Variants in KLHL29 observed in about 807,000 individuals in gnomAD.
KLHL29 encodes the protein kelch like family member 29, also known as kelch-like protein 29.
A neutral mutation model predicts 80.4 loss-of-function variants in KLHL29; 21 were observed. The ratio of observed to expected loss-of-function variants is 0.26; its 90% CI spans 0.19 to 0.38. The LOEUF (loss-of-function observed/expected upper bound fraction) is 0.38. KLHL29 is among the 10% of genes least tolerant of loss of function. KLHL29 has a pLI of 1.00. For synonymous variants in KLHL29, 511 were observed against 526.8 expected, an observed-to-expected ratio of 0.97 and a Z score of 0.41; for missense variants, 867 against 1,223.9, an observed-to-expected ratio of 0.71 and a Z score of 4.35.
intron 3 of KLHL29, among the ~76,000 whole-genome samples, chr2:23,609,581 C>T (rs769730861): frequency 9.9e-5 from 15 of 150,974 alleles, no homozygotes; most frequent in African/African-American, 1.5e-4. Flanking sequence ...TGTGTGGAGC[C>T]GGGTGCAGAA....
intron 1 of KLHL29, among the ~76,000 whole-genome samples, chr2:23,433,319 G>T (rs966399019): frequency 6.6e-5 from 10 of 152,240 alleles, no homozygotes; most frequent in Non-Finnish European, 7.3e-5. Flanking sequence ...CTACAAAGCT[G>T]CTAGGGCATT....
chr2:23,639,210 T>C lies in KLHL29; in HGVS notation c.357T>C (p.Pro119=), dbSNP rs1669699479. The part of the protein sequence containing the change: ...LATSIRWGQT[P]INQSTPWDTD... ...CCAGCATCCGGTGGGGGCAGACGCC[T>C]ATCAATCAGTCCACACCCTGGGACA... is the stretch of plus-strand genomic sequence containing the variant. Residue 119 remains proline, a synonymous_variant, in exon 4 of 14, where the codon CCT becomes CCC. Transcript: ENST00000486442. 2 of 1,547,738 alleles carry C rather than the reference T, an allele frequency of 1.3e-6. No homozygotes were observed. The highest frequency in any genetic ancestry group is 2.0e-5 in the Admixed American group (1 of 50,228).
At chr2:23,615,935 T>C (rs1668993193) in intron 3 of KLHL29, among the ~76,000 whole-genome samples, 1 of 152,142 alleles carries the variant, frequency 6.6e-6, no homozygotes, top group African/African-American at 2.4e-5. Context: ...CCAGACCCCC[T>C]CTGCTTCTCT....
intron 5 of KLHL29, among the ~76,000 whole-genome samples, chr2:23,646,913 T>C (rs1669949871): frequency 6.6e-6 from 1 of 152,176 alleles, no homozygotes; most frequent in Non-Finnish European, 1.5e-5. Flanking sequence ...TTGAGTGAGA[T>C]TGCGGACATG....
chr2:23,652,408 C>G (rs1670112163), intron 5 of KLHL29, among the ~76,000 whole-genome samples: 1 of 152,216 alleles, frequency 6.6e-6, no homozygotes, highest in Admixed American at 6.5e-5. Flanking sequence ...ACTTCCATGG[C>G]CCTGCCCTCT....
At chr2:23,533,545 GGGAGCCTT>G (rs1666566812) in intron 2 of KLHL29, among the ~76,000 whole-genome samples, 1 of 152,100 alleles carries the variant, frequency 6.6e-6, no homozygotes, top group Non-Finnish European at 1.5e-5. Flanking sequence ...GCAGCCTCTG[GGGAGCCTT>G]GGCGCTGGCT....
chr2:23,587,245 CT>C (rs34675398), intron 3 of KLHL29, among the ~76,000 whole-genome samples: 16 of 146,810 alleles, frequency 1.1e-4, no homozygotes, highest in South Asian at 2.2e-4. Context: ...GGCCAATTTA[CT>C]TTTTTTTTTT....
intron 2 of KLHL29, among the ~76,000 whole-genome samples, chr2:23,495,887 A>G (rs1665247525): frequency 6.6e-6 from 1 of 152,236 alleles, no homozygotes; most frequent in African/African-American, 2.4e-5. Flanking sequence ...TTAGCGTTGC[A>G]GACTAATCCT....
At chr2:23,523,630 C>T (rs1427868063) in intron 2 of KLHL29, among the ~76,000 whole-genome samples, 2 of 152,146 alleles carry the variant, frequency 1.3e-5, no homozygotes, top group African/African-American at 4.8e-5. Context: ...ATGGCTTTTA[C>T]CCCCTCATAC....
chr2:23,622,481 C>A (rs145904261), intron 3 of KLHL29, among the ~76,000 whole-genome samples: 1 of 152,224 alleles, frequency 6.6e-6, no homozygotes, highest in Non-Finnish European at 1.5e-5. Flanking sequence ...TACCTAATCA[C>A]AAAGGATGGA....
intron 2 of KLHL29, among the ~76,000 whole-genome samples, chr2:23,510,885 G>A (rs1558366264): frequency 6.6e-6 from 1 of 152,170 alleles, no homozygotes; most frequent in African/African-American, 2.4e-5. Flanking sequence ...CCTGGGGTGG[G>A]AATACTCTGG....
At chr2:23,603,852 C>T (rs895855810) in intron 3 of KLHL29, among the ~76,000 whole-genome samples, 3 of 152,254 alleles carry the variant, frequency 2.0e-5, no homozygotes, top group African/African-American at 7.2e-5. Flanking sequence ...GAGTTCAGTG[C>T]AGGAACAGCT....
At chr2:23,433,083 G>A (rs1271837407) in intron 1 of KLHL29, among the ~76,000 whole-genome samples, 1 of 152,200 alleles carries the variant, frequency 6.6e-6, no homozygotes, top group Non-Finnish European at 1.5e-5. Context: ...AGGGAGGGGA[G>A]CACCTCCTGC....
chr2:23,560,594 T>C (rs1667423645), intron 2 of KLHL29, among the ~76,000 whole-genome samples: 1 of 152,218 alleles, frequency 6.6e-6, no homozygotes, highest in African/African-American at 2.4e-5. Context: ...AAAAGAATTT[T>C]TGTGTCATGG....
rs1670229869 is a variant in KLHL29 at position 23,655,838 on chromosome 2, T to A, written c.940+12988T>A. Among the ~76,000 whole-genome samples, 4 of 151,518 alleles carry A rather than the reference T, an allele frequency of 2.6e-5. No homozygotes were observed. In the South Asian group the frequency reaches 8.4e-4, roughly 32 times the overall value. Reference sequence around the variant, plus strand: ...CCTGGAACTGACTGAGCAGAGTGAGTGCAGTCAGTGAGCTCAGTCAGTGAC... The same window carrying A: ...CCTGGAACTGACTGAGCAGAGTGAGAGCAGTCAGTGAGCTCAGTCAGTGAC... On this transcript the variant is annotated intron_variant, in intron 5 of 13. Coordinates refer to ENST00000486442, the MANE Select transcript of KLHL29 (RefSeq NM_052920.2).
intron 3 of KLHL29, among the ~76,000 whole-genome samples, chr2:23,588,875 A>G (rs1668182479): frequency 6.6e-6 from 1 of 152,202 alleles, no homozygotes; most frequent in South Asian, 2.1e-4. Context: ...GCCTGCCGAG[A>G]GAGAGGCACC....
intron 1 of KLHL29, among the ~76,000 whole-genome samples, chr2:23,388,276 T>C (rs141464735): frequency 7.9e-5 from 12 of 152,328 alleles, no homozygotes; most frequent in African/African-American, 2.6e-4. Context: ...AGAATGACTT[T>C]TGCTAACTGC....
At chr2:23,543,414 C>T (rs572988366) in intron 2 of KLHL29, among the ~76,000 whole-genome samples, 21 of 152,152 alleles carry the variant, frequency 1.4e-4, no homozygotes, top group East Asian at 7.7e-4. Flanking sequence ...TGTAAAATGT[C>T]ATCATTCTTC....
At chr2:23,458,923 G>T (rs533524612) in intron 1 of KLHL29, among the ~76,000 whole-genome samples, 6 of 152,172 alleles carry the variant, frequency 3.9e-5, no homozygotes, top group African/African-American at 1.4e-4. Flanking sequence ...AAACAGGATC[G>T]GATTTGCACT....
Sources: gnomAD v4.1 joint callset for allele counts (sites outside exome capture counted in the v4.1 genomes callset) on GRCh38, gnomAD v4.1.1 for gene constraint, MANE v1.5 for transcripts, NCBI Gene and HGNC (gene_info 2026-07-23, HGNC 2026-07-21) for gene names.